Variants in SLC7A8 observed in about 807,000 individuals in gnomAD.
SLC7A8 encodes solute carrier family 7 member 8.
In SLC7A8, 30 loss-of-function variants were observed where a neutral mutation model predicts 51.2. That is an observed-to-expected ratio of 0.59 (90% CI 0.44 to 0.80). The LOEUF (loss-of-function observed/expected upper bound fraction) is 0.80. Ranked by LOEUF, SLC7A8 falls within the 30% of genes least tolerant of loss-of-function variation. SLC7A8 has a pLI of 0.00. For missense variants in SLC7A8, 612 were observed against 674.4 expected, an observed-to-expected ratio of 0.91 and a Z score of 1.03; for synonymous variants, 257 against 275.8, an observed-to-expected ratio of 0.93 and a Z score of 0.67.
intron 8 of SLC7A8, 101 bp from the exon 9 acceptor site, chr14:23,129,900 C>A: frequency 7.6e-7 from 1 of 1,310,436 alleles, no homozygotes; most frequent in Non-Finnish European, 1.1e-6. Flanking sequence ...ATGATGCCAT[C>A]GTATAATGGA....
rs1161241997 is a variant in SLC7A8 at position 23,149,247 on chromosome 14, C to A, written c.509-6043G>T. Reference sequence around the variant, plus strand: ...GTAATTCAATACAGTAGCAAACAGCCTTGCCTTGTAACTCTAGCAGTGTTT... The same window carrying A: ...GTAATTCAATACAGTAGCAAACAGCATTGCCTTGTAACTCTAGCAGTGTTT... On this transcript the variant is annotated intron_variant, in intron 3 of 10. Transcript: ENST00000316902. Among the ~76,000 whole-genome samples, 8 of 152,354 alleles carry A rather than the reference C, an allele frequency of 5.3e-5. No homozygotes were observed. In the East Asian group the frequency reaches 1.5e-3, roughly 29 times the overall value.
intron 7 of SLC7A8, among the ~76,000 whole-genome samples, chr14:23,137,021 G>C (rs1414276727): frequency 3.3e-5 from 5 of 152,242 alleles, no homozygotes; most frequent in Non-Finnish European, 7.3e-5. Flanking sequence ...TTTGGAAGCA[G>C]CTGAACTCAC....
At chr14:23,139,807 C>T (rs747209547) in intron 5 of SLC7A8, among the ~76,000 whole-genome samples, 23 of 152,004 alleles carry the variant, frequency 1.5e-4, no homozygotes, top group East Asian at 1.4e-3. Flanking sequence ...CCCAGGAGTT[C>T]GAGGCCAGCC....
Position 23,140,498 on chromosome 14 carries a change from A to T in SLC7A8, c.761T>A (p.Val254Glu). 6.2e-7 allele frequency: 1 copy of T among 1,613,596 alleles called. No homozygotes were observed. Among genetic ancestry groups the T allele is most frequent in the Non-Finnish European group, 8.5e-7 (1 of 1,179,534 alleles). Residue 254 changes from valine (V) to glutamate (E), a missense_variant, in exon 5 of 11, where the codon GTG becomes GAG. Transcript: ENST00000316902. Reference sequence around the variant, plus strand: ...GTAGGGATCAACAAGCTCCTCAGTCACGTAATTCAGAAAGTTCCAGCCTCC... The same window carrying T: ...GTAGGGATCAACAAGCTCCTCAGTCTCGTAATTCAGAAAGTTCCAGCCTCC... ...AYGGWNFLNY[V>E]TEELVDPYKN...
chr14:23,169,410 C>T (rs1356551416), intron 1 of SLC7A8, among the ~76,000 whole-genome samples: 1 of 152,144 alleles, frequency 6.6e-6, no homozygotes, highest in Non-Finnish European at 1.5e-5. Context: ...TATTGAGCTA[C>T]ACTAGTATAA....
chr14:23,172,623 C>T (rs2048980570), intron 1 of SLC7A8, among the ~76,000 whole-genome samples: 1 of 152,234 alleles, frequency 6.6e-6, no homozygotes, highest in Admixed American at 6.5e-5. Flanking sequence ...CAGTGAGAGG[C>T]TTTGTCTTCC....
At chr14:23,175,942 T>A (rs2048997100) in intron 1 of SLC7A8, among the ~76,000 whole-genome samples, 1 of 152,260 alleles carries the variant, frequency 6.6e-6, no homozygotes, top group African/African-American at 2.4e-5. Flanking sequence ...GATGTGTTTG[T>A]TTTGAAATAC....
intron 3 of SLC7A8, among the ~76,000 whole-genome samples, chr14:23,146,395 C>G (rs1006964533): frequency 1.3e-4 from 20 of 152,142 alleles, no homozygotes; most frequent in Admixed American, 6.5e-5. Context: ...CCAAGCAGAC[C>G]ACCTCCCTGT....
intron 1 of SLC7A8, among the ~76,000 whole-genome samples, chr14:23,178,373 G>A (rs914414713): frequency 1.3e-5 from 2 of 152,146 alleles, no homozygotes; most frequent in African/African-American, 4.8e-5. Context: ...GCCTGATTAG[G>A]TTAGGACAAG....
intron 1 of SLC7A8, among the ~76,000 whole-genome samples, chr14:23,175,180 A>G (rs2048993372): frequency 6.6e-6 from 1 of 151,982 alleles, no homozygotes; most frequent in African/African-American, 2.4e-5. Flanking sequence ...GCCGCTCTTG[A>G]GAAGGTTATT....
intron 3 of SLC7A8, among the ~76,000 whole-genome samples, chr14:23,153,919 T>C (rs887365131): frequency 6.6e-6 from 1 of 151,764 alleles, no homozygotes; most frequent in African/African-American, 2.4e-5. Flanking sequence ...CTTGCCAAAG[T>C]CCATAAAGAC....
intron 3 of SLC7A8, among the ~76,000 whole-genome samples, chr14:23,164,837 C>T (rs2048940735): frequency 6.6e-6 from 1 of 151,834 alleles, no homozygotes; most frequent in African/African-American, 2.4e-5. Context: ...ACAAAAAATA[C>T]AAAAATTAGC....
Position 23,166,545 on chromosome 14 carries a change from A to G in SLC7A8, c.152-5T>C, listed in dbSNP as rs780271712. 1.1e-5 allele frequency: 17 copies of G among 1,613,804 alleles called. No individual in the cohort carries two copies. The highest frequency in any genetic ancestry group is 8.5e-7 in the Non-Finnish European group (1 of 1,179,882). The stretch of plus-strand genomic sequence containing the variant: ...TTCCAGAGCCGATGATGTTCCCTGC[A>G]TGAGGCACCAAGGGTAAGGAGGGGA... On this transcript the variant is annotated splice_polypyrimidine_tract_variant and splice_region_variant and intron_variant, in intron 1 of 10. Transcript: ENST00000316902.
intron 3 of SLC7A8, among the ~76,000 whole-genome samples, chr14:23,145,210 C>G (rs1446397232): frequency 6.6e-6 from 1 of 150,584 alleles, no homozygotes. Context: ...ACCGCCCGGC[C>G]GGGATGCATT....
In SLC7A8 at chr14:23,128,969, T is replaced by C. The variant is rs1423292606; in HGVS notation, c.1263+681A>G. Among the ~76,000 whole-genome samples the C allele has an allele frequency of 1.3e-5, 2 of 152,340 alleles. No individual in the cohort carries two copies. Among genetic ancestry groups the C allele is most frequent in the African/African-American group, 4.8e-5 (2 of 41,566 alleles). ...GGAAGGATCTTCTAGAAGCATCTAG[T>C]CACTGTTTCTAGAATAGGATTGTTC... On this transcript the variant is annotated intron_variant, in intron 9 of 10. Transcript: ENST00000316902. This position sits in a 1 kb window ranked among gnomAD's most constrained non-coding sequence, Gnocchi z 4.3.
intron 3 of SLC7A8, among the ~76,000 whole-genome samples, chr14:23,153,117 T>C (rs1011277068): frequency 5.9e-5 from 9 of 152,124 alleles, no homozygotes; most frequent in Admixed American, 2.0e-4. Context: ...AACCTCATTT[T>C]ATTTTTCTTT....
At chr14:23,168,649 G>A (rs2048961767) in intron 1 of SLC7A8, among the ~76,000 whole-genome samples, 1 of 152,210 alleles carries the variant, frequency 6.6e-6, no homozygotes, top group East Asian at 1.9e-4. Context: ...GTATAGCTAG[G>A]TGCTTCTTAG....
At chr14:23,141,315 C>CA (rs1271208236) in intron 4 of SLC7A8, among the ~76,000 whole-genome samples, 6 of 152,138 alleles carry the variant, frequency 3.9e-5, no homozygotes, top group African/African-American at 1.2e-4. Flanking sequence ...AACAAACAAA[C>CA]AAAAAAAGCA....
intron 6 of SLC7A8, among the ~76,000 whole-genome samples, 160 bp downstream of exon 6, chr14:23,139,264 A>C (rs1169278343): frequency 6.6e-6 from 1 of 152,134 alleles, no homozygotes; most frequent in African/African-American, 2.4e-5. Flanking sequence ...TGGGCACTTA[A>C]AGATACCCCA....
Sources: gnomAD v4.1 joint callset for allele counts (sites outside exome capture counted in the v4.1 genomes callset) on GRCh38, gnomAD v4.1.1 for gene constraint, Gnocchi (gnomAD v3.1) non-coding constraint, MANE v1.5 for transcripts, NCBI Gene and HGNC (gene_info 2026-07-23, HGNC 2026-07-21) for gene names.